CCDC192: variants seen among roughly 807,000 people sequenced by gnomAD.
CCDC192 encodes the protein coiled-coil domain-containing protein 192.
intron 3 of CCDC192, among the ~76,000 whole-genome samples, chr5:127,761,028 C>A (rs1398061797): frequency 1.3e-5 from 2 of 152,202 alleles, no homozygotes; most frequent in Non-Finnish European, 2.9e-5. Flanking sequence ...ACACTCCGTT[C>A]TGAAAAAGAC....
intron 2 of CCDC192, among the ~76,000 whole-genome samples, chr5:127,741,406 A>G (rs1342685821): frequency 1.3e-5 from 2 of 152,188 alleles, no homozygotes; most frequent in South Asian, 2.1e-4. Context: ...CTAGCATGTG[A>G]TATTCCCTCT....
intron 3 of CCDC192, among the ~76,000 whole-genome samples, chr5:127,765,824 A>G (rs758228236): frequency 6.6e-6 from 1 of 152,210 alleles, no homozygotes; most frequent in Non-Finnish European, 1.5e-5. Context: ...GAGGATATCA[A>G]TGAAATGAAC....
At chr5:127,843,658 G>A (rs902853602) in intron 5 of CCDC192, among the ~76,000 whole-genome samples, 1 of 151,930 alleles carries the variant, frequency 6.6e-6, no homozygotes, top group Non-Finnish European at 1.5e-5. Context: ...GGCTGGTCTC[G>A]AACTCCTGAC....
At chr5:127,757,171 G>C (rs142168526) in intron 3 of CCDC192, among the ~76,000 whole-genome samples, 3 of 152,148 alleles carry the variant, frequency 2.0e-5, no homozygotes, top group African/African-American at 7.2e-5. Flanking sequence ...GGAAGACATG[G>C]AGAATGAAAA....
At chr5:127,787,043 G>A (rs546067526) in intron 3 of CCDC192, 10 of 317,886 alleles carry the variant, frequency 3.1e-5, no homozygotes, top group East Asian at 8.3e-5. Flanking sequence ...TTATGACATC[G>A]TGAGGGATGT....
intron 5 of CCDC192, among the ~76,000 whole-genome samples, chr5:127,850,839 G>A (rs1337145304): frequency 1.3e-5 from 2 of 152,036 alleles, no homozygotes; most frequent in East Asian, 1.9e-4. Context: ...GGTGGCAGGC[G>A]CCGGTAATCC....
intron 3 of CCDC192, among the ~76,000 whole-genome samples, chr5:127,760,832 G>A (rs1230101277): frequency 6.6e-6 from 1 of 151,652 alleles, no homozygotes; most frequent in Admixed American, 6.6e-5. Context: ...GTTAGCAGAA[G>A]ATGGCAAGAG....
intron 2 of CCDC192, among the ~76,000 whole-genome samples, chr5:127,734,846 G>A (rs1752875028): frequency 1.3e-5 from 2 of 151,738 alleles, no homozygotes; most frequent in African/African-American, 4.9e-5. Context: ...CAGATGAGTA[G>A]GTTGCAAAAA....
chr5:127,851,430 GTCTT>G (rs1750791864), intron 5 of CCDC192, among the ~76,000 whole-genome samples: 1 of 151,826 alleles, frequency 6.6e-6, no homozygotes, highest in African/African-American at 2.4e-5. Flanking sequence ...AACTATCCAT[GTCTT>G]TCTTGTTTTT....
At chr5:127,784,625 A>G in intron 3 of CCDC192, 1 of 656,798 alleles carries the variant, frequency 1.5e-6, no homozygotes, top group Non-Finnish European at 2.7e-6. Flanking sequence ...TAAGCCAAGT[A>G]ACTGTAGGTG....
chr5:127,846,074 A>G lies in CCDC192; in HGVS notation c.412-29464A>G, dbSNP rs200269939. Among the ~76,000 whole-genome samples the G allele has an allele frequency of 2.0e-5, 3 of 152,218 alleles. No homozygotes were observed. In the East Asian group the frequency reaches 5.8e-4, roughly 29 times the overall value. ...GGCAGGCTGAGGCAGGTGGATCATG[A>G]GGTCAGGAGTTCGAGACCAGCCTGG... On this transcript the variant is annotated intron_variant, in intron 5 of 6. Transcript: ENST00000514853.
At chr5:127,703,959 A>G (rs1750819892) in intron 1 of CCDC192, among the ~76,000 whole-genome samples, 1 of 152,230 alleles carries the variant, frequency 6.6e-6, no homozygotes, top group Non-Finnish European at 1.5e-5. Context: ...GGCTAGAAAT[A>G]TGGAAGTACA....
chr5:127,792,809 AGAG>A (rs1247995283), intron 3 of CCDC192, among the ~76,000 whole-genome samples: 4 of 121,984 alleles, frequency 3.3e-5, no homozygotes, highest in South Asian at 2.4e-4. Flanking sequence ...GAGGAGGAGA[AGAG>A]GAAGAAGAAG....
intron 6 of CCDC192, among the ~76,000 whole-genome samples, chr5:127,931,900 C>T (rs998368075): frequency 2.6e-5 from 4 of 151,908 alleles, no homozygotes; most frequent in African/African-American, 9.7e-5. Flanking sequence ...ACCTGTAATC[C>T]CAGCACTTTG....
chr5:127,772,102 C>G (rs755182188), intron 3 of CCDC192, among the ~76,000 whole-genome samples: 1 of 152,126 alleles, frequency 6.6e-6, no homozygotes, highest in Non-Finnish European at 1.5e-5. Flanking sequence ...TGCCAGCTAT[C>G]ATCTTATATA....
intron 5 of CCDC192, among the ~76,000 whole-genome samples, chr5:127,830,746 A>G (rs1204574634): frequency 6.6e-6 from 1 of 151,502 alleles, no homozygotes; most frequent in African/African-American, 2.4e-5. Context: ...ATCAAGAACA[A>G]TGCTAAAGGT....
At chr5:127,914,095 A>G (rs1753450127) in intron 6 of CCDC192, among the ~76,000 whole-genome samples, 1 of 152,212 alleles carries the variant, frequency 6.6e-6, no homozygotes, top group African/African-American at 2.4e-5. Flanking sequence ...TGGAAATTAT[A>G]GCAGAGAGAA....
At chr5:127,919,375 G>A (rs895928889) in intron 6 of CCDC192, among the ~76,000 whole-genome samples, 1 of 152,062 alleles carries the variant, frequency 6.6e-6, no homozygotes, top group African/African-American at 2.4e-5. Context: ...AACAAAATAT[G>A]TACTTATAGT....
At chr5:127,705,213 C>T (rs1433789766) in intron 1 of CCDC192, among the ~76,000 whole-genome samples, 1 of 152,168 alleles carries the variant, frequency 6.6e-6, no homozygotes, top group Non-Finnish European at 1.5e-5. Context: ...TACAACATGA[C>T]TTCTCCTGTG....
Sources: allele counts gnomAD v4.1 joint callset (sites outside exome capture counted in the v4.1 genomes callset), GRCh38; gene constraint gnomAD v4.1.1; transcripts MANE v1.5; gene names NCBI Gene and HGNC (gene_info 2026-07-23, HGNC 2026-07-21).